VPS13A: variants seen among roughly 807,000 people sequenced by gnomAD.
VPS13A encodes vacuolar protein sorting 13 homolog A.
VPS13A carries 264 observed loss-of-function variants against 390.9 expected under a neutral mutation model. The observed-to-expected ratio is 0.68, with a 90% CI of 0.61 to 0.75. The LOEUF (loss-of-function observed/expected upper bound fraction) is 0.75. VPS13A is among the 30% of genes least tolerant of loss of function. The pLI, the probability that VPS13A is intolerant of heterozygous loss-of-function variation, is 0.00. For missense variants in VPS13A, 3,409 were observed against 3,733.9 expected (o/e 0.91, Z 2.27); for synonymous variants, 1,231 against 1,227.1 (o/e 1.00, Z -0.07).
At chr9:77,370,139 C>T (rs1041009597) in intron 63 of VPS13A, 118 bp from the exon 64 acceptor site, 2 of 1,111,976 alleles carry the variant, frequency 1.8e-6, no homozygotes, top group Non-Finnish European at 2.7e-6. Flanking sequence ...GATATTACTT[C>T]CTCTGGGACA....
intron 68 of VPS13A, chr9:77,382,948 A>G (rs1833519948): frequency 1.0e-6 from 1 of 985,216 alleles, no homozygotes; most frequent in Non-Finnish European, 1.2e-6. Flanking sequence ...TACCAGTGTC[A>G]TGTTGTTTCT....
Position 77,418,059 on chromosome 9 carries a change from T to C in VPS13A, c.*2053T>C, listed in dbSNP as rs1241533637. 1 of 152,254 alleles carries C rather than the reference T, an allele frequency of 6.6e-6. No homozygotes were observed. The highest frequency in any genetic ancestry group is 1.5e-5 in the Non-Finnish European group (1 of 68,026). 9.4% of individuals were successfully genotyped at this position (152,254 alleles called of 1,614,324 possible). ...AAGAAATCAGTAGATCACTAGATAATGAGTCAGTGTTTTTAGCATCACATT... is the reference window on the plus strand; with the variant it reads ...AAGAAATCAGTAGATCACTAGATAACGAGTCAGTGTTTTTAGCATCACATT... On this transcript the variant is annotated 3_prime_UTR_variant, in exon 72 of 72. Transcript: ENST00000360280.
At chr9:77,212,834 T>C in intron 7 of VPS13A, 135 bp from the exon 8 acceptor site, 1 of 897,742 alleles carries the variant, frequency 1.1e-6, no homozygotes, top group Non-Finnish European at 1.8e-6. Context: ...TTAGTATTTT[T>C]TGATGGAGTG....
intron 59 of VPS13A, among the ~76,000 whole-genome samples, chr9:77,363,986 CAGTGGCCTG>C (rs1832296578): frequency 6.6e-6 from 1 of 152,174 alleles, no homozygotes; most frequent in Non-Finnish European, 1.5e-5. Context: ...GTAAGAGGGG[CAGTGGCCTG>C]AGATGATCTC....
At chr9:77,260,055 A>ATAAT (rs767543238) in intron 22 of VPS13A, 31 bp from the exon 23 acceptor site, 1 of 1,314,758 alleles carries the variant, frequency 7.6e-7, no homozygotes, top group Admixed American at 1.9e-5. Flanking sequence ...TAATTCCTTT[A>ATAAT]TAATTACTTA....
intron 5 of VPS13A, 54 bp from the exon 6 acceptor site, chr9:77,209,368 AT>A: frequency 8.0e-7 from 1 of 1,243,520 alleles, no homozygotes; most frequent in East Asian, 2.5e-5. Flanking sequence ...GTATGTGGAT[AT>A]TTATAGAGTA....
chr9:77,266,708 A>G (rs546352017), intron 23 of VPS13A, among the ~76,000 whole-genome samples: 17 of 152,064 alleles, frequency 1.1e-4, no homozygotes, highest in African/African-American at 2.9e-4. Flanking sequence ...ATGTTGGCCT[A>G]TCTTGCTAGG....
At chr9:77,319,713 T>A in intron 42 of VPS13A, 40 bp downstream of exon 42, 1 of 1,075,762 alleles carries the variant, frequency 9.3e-7, no homozygotes, top group Non-Finnish European at 1.3e-6. Flanking sequence ...TATATATATA[T>A]GTATTTTAAA....
intron 44 of VPS13A, among the ~76,000 whole-genome samples, chr9:77,322,428 TA>T (rs1470988367): frequency 2.4e-4 from 37 of 151,880 alleles, no homozygotes; most frequent in Admixed American, 7.2e-4. Context: ...TAATTAGACA[TA>T]GGGGGGTAGG....
At chr9:77,332,873 C>T (rs17063542) in intron 46 of VPS13A, among the ~76,000 whole-genome samples, 2,149 of 152,264 alleles carry the variant, frequency 0.014, 55 homozygotes, top group African/African-American at 0.048. Flanking sequence ...AAACTGCAAA[C>T]AGTGCTTACC....
intron 23 of VPS13A, 62 bp downstream of exon 23, chr9:77,260,286 A>G (rs977621922): frequency 5.6e-5 from 87 of 1,557,768 alleles, no homozygotes; most frequent in Admixed American, 1.6e-4. Context: ...TAGTATTTCA[A>G]ACAATCACAG....
intron 22 of VPS13A, among the ~76,000 whole-genome samples, chr9:77,252,798 C>T (rs1825218334): frequency 6.6e-6 from 1 of 152,160 alleles, no homozygotes. Flanking sequence ...AAGATTCATC[C>T]ATGTTGGAGC....
At chr9:77,181,982 C>T (rs1824046584) in intron 1 of VPS13A, among the ~76,000 whole-genome samples, 1 of 152,144 alleles carries the variant, frequency 6.6e-6, no homozygotes, top group Non-Finnish European at 1.5e-5. Context: ...ACTTTTTATA[C>T]ACTTCTATTT....
chr9:77,318,958 A>G (rs995278050), intron 41 of VPS13A, among the ~76,000 whole-genome samples: 13 of 152,040 alleles, frequency 8.6e-5, no homozygotes, highest in African/African-American at 3.1e-4. Flanking sequence ...TTGGGAGGCC[A>G]AAGCAGAAGG....
intron 19 of VPS13A, among the ~76,000 whole-genome samples, chr9:77,244,150 A>T (rs1217003883): frequency 6.6e-6 from 1 of 152,172 alleles, no homozygotes; most frequent in Non-Finnish European, 1.5e-5. Context: ...AGACTGGAGG[A>T]TTGCTTGAGC....
intron 35 of VPS13A, among the ~76,000 whole-genome samples, chr9:77,312,675 A>G (rs557510719): frequency 6.6e-6 from 1 of 152,108 alleles, no homozygotes; most frequent in Non-Finnish European, 1.5e-5. Flanking sequence ...TTGGCCTCCC[A>G]AAGTGCTGGG....
At chr9:77,289,752 T>G (rs1391405722) in intron 31 of VPS13A, among the ~76,000 whole-genome samples, 1 of 152,092 alleles carries the variant, frequency 6.6e-6, no homozygotes, top group East Asian at 1.9e-4. Context: ...CTGTCTATTG[T>G]TTGTATTTCT....
intron 5 of VPS13A, among the ~76,000 whole-genome samples, chr9:77,207,254 A>ATATAT (rs1564630578): frequency 0.014 from 734 of 53,312 alleles, 35 homozygotes; most frequent in East Asian, 0.035. Flanking sequence ...TATATATATA[A>ATATAT]AACGTGTTAT....
intron 34 of VPS13A, among the ~76,000 whole-genome samples, chr9:77,307,168 G>A (rs535560755): frequency 1.1e-3 from 160 of 152,254 alleles, no homozygotes; most frequent in African/African-American, 3.7e-3. Context: ...GCCTCCCAGA[G>A]TGCTGGGCTT....
Sources: gnomAD v4.1 joint callset for allele counts (sites outside exome capture counted in the v4.1 genomes callset) on GRCh38, gnomAD v4.1.1 for gene constraint, MANE v1.5 for transcripts, NCBI Gene and HGNC (gene_info 2026-07-23, HGNC 2026-07-21) for gene names.